ZNF407: variants seen among roughly 807,000 people sequenced by gnomAD.
The protein encoded by ZNF407 is zinc finger protein 407.
Under a neutral mutation model 131.2 loss-of-function variants are expected in ZNF407, and 17 were observed. The observed-to-expected ratio is 0.13, with a 90% CI of 0.09 to 0.19. ZNF407 has a LOEUF of 0.19. Among genes scored for constraint, ZNF407 ranks in the 10% least tolerant of loss-of-function variants. ZNF407 has a pLI of 1.00. For synonymous variants in ZNF407, 1,156 were observed against 1,062.0 expected (o/e 1.09, Z -1.72); for missense variants, 2,681 against 2,830.6 (o/e 0.95, Z 1.20).
At chr18:75,060,244 A>T (rs149383867) in intron 8 of ZNF407, 1,682 of 152,278 alleles carry the variant, frequency 0.011, 11 homozygotes, top group Non-Finnish European at 0.016. Flanking sequence ...GGTGCGCTAT[A>T]ATTAGGGAAT....
Position 74,663,531 on chromosome 18 carries a change from G to A in ZNF407, c.4802+22409G>A, listed in dbSNP as rs531182208. Among the ~76,000 whole-genome samples the A allele has an allele frequency of 2.6e-5, 4 of 152,226 alleles. No homozygotes were observed. In the South Asian group the frequency reaches 6.2e-4, roughly 24 times the overall value. ...TCAGAACATCAATTAAGAATAGAAC[G>A]CAGGTCCCGGCTCGACACCACATAT... On this transcript the variant is annotated intron_variant, in intron 3 of 8. Transcript: ENST00000299687.
chr18:74,781,554 T>C (rs768739341), intron 4 of ZNF407, 52 bp downstream of exon 4: 2 of 1,373,728 alleles, frequency 1.5e-6, no homozygotes, highest in Non-Finnish European at 2.0e-6. Flanking sequence ...ATTTTTATTT[T>C]AGGCTTTATT....
chr18:75,047,415 C>A (rs572775365), intron 8 of ZNF407, among the ~76,000 whole-genome samples: 1 of 152,350 alleles, frequency 6.6e-6, no homozygotes, highest in African/African-American at 2.4e-5. Flanking sequence ...GACCCTCTGC[C>A]TTCTGCCCTT....
At chr18:75,010,570 G>A (rs769002963) in intron 8 of ZNF407, among the ~76,000 whole-genome samples, 1 of 152,006 alleles carries the variant, frequency 6.6e-6, no homozygotes, top group Non-Finnish European at 1.5e-5. Context: ...ATGGTAAATC[G>A]GGCATGCTGA....
chr18:74,861,770 C>T (rs1054110580), intron 4 of ZNF407, among the ~76,000 whole-genome samples: 2 of 152,042 alleles, frequency 1.3e-5, no homozygotes, highest in Non-Finnish European at 2.9e-5. Flanking sequence ...ATATTCAATA[C>T]CCTTTCATGT....
In ZNF407 at chr18:75,025,021, G is replaced by A. The variant is rs566203439; in HGVS notation, c.5429-38129G>A. On this transcript the variant is annotated intron_variant, in intron 8 of 8. Coordinates refer to ENST00000299687, the MANE Select transcript of ZNF407 (RefSeq NM_017757.3). ...GTTACTAAACAAGCAAATTATTTGC[G>A]TATGTGTCACATCGGTTATCAAGTT... is the stretch of plus-strand genomic sequence containing the variant. Among the ~76,000 whole-genome samples, 9 of 152,224 alleles carry A rather than the reference G, an allele frequency of 5.9e-5. No individual in the cohort carries two copies. The South Asian group carries it at 1.2e-3, about 21-fold the overall frequency.
At chr18:74,789,992 CT>C (rs1969796407) in intron 4 of ZNF407, among the ~76,000 whole-genome samples, 1 of 151,958 alleles carries the variant, frequency 6.6e-6, no homozygotes. Context: ...CCACTGTCTT[CT>C]GTGAGTCCTT....
intron 3 of ZNF407, among the ~76,000 whole-genome samples, chr18:74,749,799 A>G (rs1318288161): frequency 6.6e-6 from 1 of 152,234 alleles, no homozygotes; most frequent in African/African-American, 2.4e-5. Flanking sequence ...TTGGGGAATA[A>G]AACTCCAAAT....
chr18:74,808,078 A>G (rs1216911957), intron 4 of ZNF407, among the ~76,000 whole-genome samples: 4 of 151,874 alleles, frequency 2.6e-5, no homozygotes, highest in African/African-American at 9.7e-5. Context: ...CGATGGCGCG[A>G]TCTCGGCACA....
At chr18:74,600,284 G>A (rs1261187754) in intron 1 of ZNF407, among the ~76,000 whole-genome samples, 1 of 152,188 alleles carries the variant, frequency 6.6e-6, no homozygotes, top group Admixed American at 6.5e-5. Flanking sequence ...AACCAAAAGA[G>A]GCTGGCTGGC....
intron 4 of ZNF407, among the ~76,000 whole-genome samples, chr18:74,790,185 G>T (rs1969799819): frequency 6.6e-6 from 1 of 152,192 alleles, no homozygotes; most frequent in East Asian, 1.9e-4. Flanking sequence ...TTATAACTAT[G>T]TTATTCAGTA....
intron 8 of ZNF407, among the ~76,000 whole-genome samples, chr18:74,947,338 G>A (rs1568279530): frequency 6.6e-6 from 1 of 152,072 alleles, no homozygotes; most frequent in Admixed American, 6.6e-5. Flanking sequence ...AAGTAAGAGG[G>A]CCCAAGTTCA....
intron 3 of ZNF407, among the ~76,000 whole-genome samples, chr18:74,675,573 C>T (rs1474294962): frequency 2.0e-5 from 3 of 152,150 alleles, no homozygotes; most frequent in South Asian, 2.1e-4. Flanking sequence ...TGTAAGAGGA[C>T]GTGTAAAAAG....
At chr18:74,821,038 G>GC (rs1344607708) in intron 4 of ZNF407, among the ~76,000 whole-genome samples, 3 of 152,050 alleles carry the variant, frequency 2.0e-5, no homozygotes, top group Admixed American at 6.5e-5. Context: ...CAGAGATTGG[G>GC]CAGGGACATC....
intron 8 of ZNF407, among the ~76,000 whole-genome samples, chr18:74,975,224 G>A (rs755740026): frequency 3.1e-4 from 47 of 152,302 alleles, no homozygotes; most frequent in South Asian, 1.5e-3. Context: ...TATTACCCAC[G>A]TGAGTCTGAT....
chr18:74,612,162 C>G (rs1983088658), intron 1 of ZNF407, among the ~76,000 whole-genome samples: 1 of 151,812 alleles, frequency 6.6e-6, no homozygotes, highest in South Asian at 2.1e-4. Context: ...AGTTTTTTCC[C>G]TTTTTTTAAA....
chr18:74,677,000 TA>T (rs1469008772), intron 3 of ZNF407, among the ~76,000 whole-genome samples: 1 of 152,214 alleles, frequency 6.6e-6, no homozygotes, highest in Non-Finnish European at 1.5e-5. Flanking sequence ...CCCACCTTTT[TA>T]TCTTGGAGAT....
chr18:74,963,619 A>G (rs1972374818), intron 8 of ZNF407, among the ~76,000 whole-genome samples: 4 of 152,226 alleles, frequency 2.6e-5, no homozygotes, highest in Admixed American at 2.0e-4. Context: ...CAGCAATCTT[A>G]GAATTTGTTA....
At chr18:74,941,999 T>G (rs1275769880) in intron 8 of ZNF407, among the ~76,000 whole-genome samples, 1 of 152,210 alleles carries the variant, frequency 6.6e-6, no homozygotes, top group East Asian at 1.9e-4. Context: ...TTTCCAGATT[T>G]GGATGCTCCA....
Sources: allele counts gnomAD v4.1 joint callset (sites outside exome capture counted in the v4.1 genomes callset), GRCh38; gene constraint gnomAD v4.1.1; transcripts MANE v1.5; gene names NCBI Gene and HGNC (gene_info 2026-07-23, HGNC 2026-07-21).